The following DNAAF9 variants were observed in gnomAD, a reference collection of about 807,000 sequenced individuals.
DNAAF9 encodes dynein axonemal assembly factor 9, also known as shulin.
Under a neutral mutation model 167.0 loss-of-function variants are expected in DNAAF9, and 90 were observed. The ratio of observed to expected loss-of-function variants is 0.54; its 90% confidence interval spans 0.45 to 0.64. The LOEUF (loss-of-function observed/expected upper bound fraction) is 0.64, where lower values mean the gene tolerates loss of function less well. DNAAF9 is among the 30% of genes least tolerant of loss of function. The pLI is 0.00. For missense variants in DNAAF9, 1,315 were observed against 1,442.2 expected (o/e 0.91, Z 1.43); for synonymous variants, 491 against 508.8 (o/e 0.96, Z 0.47).
chr20:3,303,404 C>T (rs2122981320), intron 21 of DNAAF9, among the ~76,000 whole-genome samples: 1 of 151,716 alleles, frequency 6.6e-6, no homozygotes, highest in South Asian at 2.1e-4. Context: ...AATTTTAATC[C>T]CTCAGAAGTT....
In DNAAF9 at chr20:3,315,732, T is replaced by G; in HGVS notation, c.1590+3A>C. The G allele has an allele frequency of 6.2e-7, 1 of 1,610,122 alleles. No homozygotes were observed. The highest frequency in any genetic ancestry group is 8.5e-7 in the Non-Finnish European group (1 of 1,176,314). On this transcript the variant is annotated splice_donor_region_variant and intron_variant, in intron 19 of 36. Transcript: ENST00000252032. This position sits in a 1 kb window ranked among gnomAD's most constrained non-coding sequence, Gnocchi z 4.1. Reference sequence around the variant, plus strand: ...TCACACTGAGAATAAGAAGGCTGCTTACCCTCACTGCTTGCTGGGTTTTCT... The same window carrying G: ...TCACACTGAGAATAAGAAGGCTGCTGACCCTCACTGCTTGCTGGGTTTTCT...
chr20:3,280,188 G>A (rs1010257715), intron 28 of DNAAF9, among the ~76,000 whole-genome samples: 1 of 152,158 alleles, frequency 6.6e-6, no homozygotes, highest in Non-Finnish European at 1.5e-5. Context: ...CCACACCAGA[G>A]TCTCCCAAGA....
chr20:3,291,506 G>A (rs2068953390), intron 25 of DNAAF9, among the ~76,000 whole-genome samples: 1 of 151,936 alleles, frequency 6.6e-6, no homozygotes, highest in Non-Finnish European at 1.5e-5. Flanking sequence ...ACCATGCCTG[G>A]CTAATTTTTT....
rs1348295987 is a variant in DNAAF9, at chr20:3,250,451, C to G, written c.*2121G>C. The G allele has an allele frequency of 6.6e-6, 1 of 152,264 alleles. No individual in the cohort carries two copies. The highest frequency in any genetic ancestry group is 1.5e-5 in the Non-Finnish European group (1 of 68,038). 9.4% of individuals were successfully genotyped at this position (152,264 alleles called of 1,614,324 possible). On this transcript the variant is annotated 3_prime_UTR_variant, in exon 37 of 37. Coordinates refer to ENST00000252032, the MANE Select transcript of DNAAF9 (RefSeq NM_001009984.3). ...GGCTGAGGAGCATCAACAGAGGCCT[C>G]AGCCAGTTTTGCCTTTTTGGCTTTG...
At chr20:3,365,692 G>A (rs928927097) in intron 6 of DNAAF9, among the ~76,000 whole-genome samples, 3 of 151,920 alleles carry the variant, frequency 2.0e-5, no homozygotes, top group Admixed American at 1.3e-4. Flanking sequence ...GTGCCTGGCC[G>A]TGATAGCATT....
chr20:3,330,638 A>G lies in DNAAF9; in HGVS notation c.1100+8T>C. 6 of 1,563,852 alleles carry G rather than the reference A, an allele frequency of 3.8e-6. No individual in the cohort carries two copies. The highest frequency in any genetic ancestry group is 5.3e-6 in the Non-Finnish European group (6 of 1,137,272). ...TTGAGAAAGAAAAAATAAAATATGA[A>G]GACTTACATTTGTTCAGTTTTCTTG... On this transcript the variant is annotated splice_region_variant and intron_variant, in intron 12 of 36. Coordinates refer to ENST00000252032, the MANE Select transcript of DNAAF9 (RefSeq NM_001009984.3).
intron 16 of DNAAF9, among the ~76,000 whole-genome samples, chr20:3,319,893 C>T (rs1309381146): frequency 6.6e-6 from 1 of 152,150 alleles, no homozygotes; most frequent in African/African-American, 2.4e-5. Flanking sequence ...CAAAGGATTT[C>T]GAGCATCTGA....
At chr20:3,287,102 T>G (rs140351256) in intron 27 of DNAAF9, among the ~76,000 whole-genome samples, 4 of 152,296 alleles carry the variant, frequency 2.6e-5, no homozygotes, top group Non-Finnish European at 5.9e-5. Flanking sequence ...TACAGAGACT[T>G]CATGAGCTAG....
intron 20 of DNAAF9, among the ~76,000 whole-genome samples, chr20:3,310,333 A>AAAGAAAG (rs1555790607): frequency 1.1e-3 from 116 of 106,182 alleles, no homozygotes; most frequent in Admixed American, 1.7e-3. Context: ...AAGAGAAAGA[A>AAAGAAAG]AAAGAAAGAA....
chr20:3,389,478 A>C (rs1431472563), intron 1 of DNAAF9, among the ~76,000 whole-genome samples: 1 of 152,032 alleles, frequency 6.6e-6, no homozygotes, highest in African/African-American at 2.4e-5. Flanking sequence ...AGAAGTTAAA[A>C]ATAGTCAGCT....
chr20:3,375,675 T>C (rs1236490794), intron 4 of DNAAF9, among the ~76,000 whole-genome samples: 1 of 151,986 alleles, frequency 6.6e-6, no homozygotes, highest in African/African-American at 2.4e-5. Context: ...GTCTGACCAA[T>C]GTAACAAAAC....
chr20:3,294,436 C>A, intron 24 of DNAAF9, 92 bp downstream of exon 24: 5 of 891,838 alleles, frequency 5.6e-6, no homozygotes, highest in South Asian at 1.5e-5. Flanking sequence ...TAAGAAACTA[C>A]AAGAAAAAGG....
chr20:3,390,113 C>G (rs910957065), intron 1 of DNAAF9, among the ~76,000 whole-genome samples: 1 of 151,590 alleles, frequency 6.6e-6, no homozygotes. Context: ...GTATTTGATA[C>G]CATTAGGGAT....
intron 30 of DNAAF9, among the ~76,000 whole-genome samples, chr20:3,267,169 G>C (rs2122784682): frequency 6.6e-6 from 1 of 152,246 alleles, no homozygotes; most frequent in Non-Finnish European, 1.5e-5. Context: ...TGTTTTTGAG[G>C]ATCACTGTGG....
intron 30 of DNAAF9, among the ~76,000 whole-genome samples, chr20:3,265,288 G>A (rs1189215005): frequency 6.6e-6 from 1 of 152,104 alleles, no homozygotes; most frequent in African/African-American, 2.4e-5. Context: ...CATTAGGCCG[G>A]GCGCGATGGC....
In DNAAF9 at chr20:3,256,096, G is replaced by A; in HGVS notation, c.3171C>T (p.Ser1057=). 3 of 1,614,130 alleles carry A rather than the reference G, an allele frequency of 1.9e-6. No homozygotes were observed. Among genetic ancestry groups the A allele is most frequent in the Non-Finnish European group, 2.5e-6 (3 of 1,179,956 alleles). The change falls in exon 34 of 37, where the codon AGC becomes AGT. Residue 1057 remains serine, a synonymous_variant. Coordinates refer to ENST00000252032, the MANE Select transcript of DNAAF9 (RefSeq NM_001009984.3). ...CAAGGTAGCACTCCTGCTGCCCGCT[G>A]CTGTCTTGAGATACGCTTTTGGAGT... The part of the protein sequence containing the change: ...PPDSKSVSQD[S]SGQQECYLVF...
intron 7 of DNAAF9, among the ~76,000 whole-genome samples, chr20:3,353,620 C>T (rs1206989279): frequency 3.4e-5 from 4 of 118,878 alleles, no homozygotes; most frequent in Non-Finnish European, 7.1e-5. Flanking sequence ...AGAGTGAGAC[C>T]CTGTCCCCCC....
At chr20:3,313,657 C>T (rs2207994) in intron 20 of DNAAF9, among the ~76,000 whole-genome samples, 38,009 of 152,094 alleles carry the variant, frequency 0.25, 5,341 homozygotes, top group African/African-American at 0.37. Context: ...TTGAGGATTT[C>T]ATATGAGCAG....
intron 7 of DNAAF9, among the ~76,000 whole-genome samples, chr20:3,352,541 C>T (rs1487635073): frequency 3.3e-5 from 5 of 152,168 alleles, no homozygotes; most frequent in African/African-American, 1.2e-4. Flanking sequence ...AGTTAAAGAA[C>T]GTTTCAATTC....
Sources: gnomAD v4.1 joint callset for allele counts (sites outside exome capture counted in the v4.1 genomes callset) on GRCh38, gnomAD v4.1.1 for gene constraint, Gnocchi (gnomAD v3.1) non-coding constraint, MANE v1.5 for transcripts, NCBI Gene and HGNC (gene_info 2026-07-23, HGNC 2026-07-21) for gene names.